ASTN2: variants seen among roughly 807,000 people sequenced by gnomAD.
The protein encoded by ASTN2 is astrotactin 2, also known as astrotactin-2.
ASTN2 carries 54 observed loss-of-function variants against 139.8 expected under a neutral mutation model. The ratio of observed to expected loss-of-function variants is 0.39; its 90% CI spans 0.31 to 0.48. The LOEUF (loss-of-function observed/expected upper bound fraction) is 0.48, where lower values mean the gene tolerates loss of function less well. ASTN2 is among the 20% of genes least tolerant of loss of function. The probability of loss-of-function intolerance (pLI) is 0.95; values close to 1 mark genes in which losing one functional copy is unlikely to be tolerated. For missense variants in ASTN2, 1,565 were observed against 1,725.1 expected (o/e 0.91, Z 1.64); for synonymous variants, 756 against 719.5 (o/e 1.05, Z -0.81).
intron 20 of ASTN2, among the ~76,000 whole-genome samples, chr9:116,455,914 C>A (rs1414293918): frequency 6.6e-6 from 1 of 151,732 alleles, no homozygotes; most frequent in Non-Finnish European, 1.5e-5. Flanking sequence ...TAGTATTATA[C>A]CAAATGGGGA....
In ASTN2 at chr9:117,113,173, C is replaced by T. The variant is rs113263609; in HGVS notation, c.1169-17022G>A. ...TCATGTATCCACTTTGGAAAAAAAC[C>T]CTATTTCTCAAAATGTTAATTCTAC... On this transcript the variant is annotated intron_variant, in intron 4 of 22. Coordinates refer to ENST00000313400, the MANE Select transcript of ASTN2 (RefSeq NM_001365068.1). 9.2e-3 allele frequency among the ~76,000 whole-genome samples: 1,403 copies of T among 152,256 alleles called. 25 individuals are homozygous for T. The highest frequency in any genetic ancestry group is 0.032 in the African/African-American group (1,319 of 41,538).
chr9:116,970,353 C>T (rs1432680147), intron 10 of ASTN2, among the ~76,000 whole-genome samples: 1 of 152,082 alleles, frequency 6.6e-6, no homozygotes, highest in Non-Finnish European at 1.5e-5. Context: ...GCTACTGGTC[C>T]AGGGAATACA....
At chr9:117,189,308 T>C (rs1205872433) in intron 3 of ASTN2, among the ~76,000 whole-genome samples, 1 of 152,140 alleles carries the variant, frequency 6.6e-6, no homozygotes, top group South Asian at 2.1e-4. Context: ...CAATCTCCTA[T>C]GATGAGTCAA....
At chr9:117,160,238 C>T (rs1830517461) in intron 3 of ASTN2, among the ~76,000 whole-genome samples, 1 of 151,978 alleles carries the variant, frequency 6.6e-6, no homozygotes, top group Admixed American at 6.6e-5. Context: ...CAAGTTTCTA[C>T]AACACCATGA....
chr9:116,632,923 G>A (rs1856879447), intron 17 of ASTN2, among the ~76,000 whole-genome samples: 1 of 152,142 alleles, frequency 6.6e-6, no homozygotes. Context: ...CTTGCACAAG[G>A]CATGACCCAA....
At chr9:116,507,775 C>A (rs906579486) in intron 19 of ASTN2, among the ~76,000 whole-genome samples, 2 of 152,190 alleles carry the variant, frequency 1.3e-5, no homozygotes, top group Non-Finnish European at 2.9e-5. Flanking sequence ...CTCAGGTCCC[C>A]ATTTCATGTT....
intron 4 of ASTN2, among the ~76,000 whole-genome samples, chr9:117,108,183 G>A (rs35147155): frequency 0.11 from 16,488 of 152,110 alleles, 1,106 homozygotes; most frequent in Non-Finnish European, 0.16. Context: ...GTACAGAGAC[G>A]GGGTTGGTTG....
chr9:116,795,089 G>T (rs1437247059), intron 13 of ASTN2, among the ~76,000 whole-genome samples: 1 of 152,102 alleles, frequency 6.6e-6, no homozygotes, highest in African/African-American at 2.4e-5. Flanking sequence ...TGATTCTCTG[G>T]CCTCAGCCTC....
At chr9:117,350,770 T>C (rs994667155) in intron 1 of ASTN2, among the ~76,000 whole-genome samples, 5 of 152,234 alleles carry the variant, frequency 3.3e-5, no homozygotes, top group Middle Eastern at 3.4e-3. Context: ...AGGCTAAGAA[T>C]GTTAGCAAGT....
At chr9:117,166,638 A>G (rs1830676473) in intron 3 of ASTN2, among the ~76,000 whole-genome samples, 1 of 152,034 alleles carries the variant, frequency 6.6e-6, no homozygotes, top group Admixed American at 6.6e-5. Flanking sequence ...TCCCCTAGCT[A>G]AGAGCTACAC....
intron 16 of ASTN2, among the ~76,000 whole-genome samples, chr9:116,675,412 A>G (rs1185381194): frequency 6.6e-6 from 1 of 152,000 alleles, no homozygotes; most frequent in Non-Finnish European, 1.5e-5. Flanking sequence ...GTCTGTTTAT[A>G]GCTCCACCAT....
chr9:116,446,255 G>GGAGAGAGAGAGA (rs373227100), intron 20 of ASTN2, among the ~76,000 whole-genome samples: 227 of 113,850 alleles, frequency 2.0e-3, no homozygotes, highest in East Asian at 3.5e-3. Flanking sequence ...GAGGGGAGAG[G>GGAGAGAGAGAGA]GAGAGAGAGA....
At chr9:116,916,948 G>C (rs1834466411) in intron 10 of ASTN2, among the ~76,000 whole-genome samples, 1 of 151,964 alleles carries the variant, frequency 6.6e-6, no homozygotes. Flanking sequence ...TTTAAGAAAT[G>C]TTATTGTTCC....
At chr9:116,493,604 T>C (rs1453066949) in intron 19 of ASTN2, among the ~76,000 whole-genome samples, 1 of 152,080 alleles carries the variant, frequency 6.6e-6, no homozygotes, top group African/African-American at 2.4e-5. Context: ...TATTCCTCAA[T>C]TCCCTCTCCC....
chr9:116,805,959 C>G, intron 12 of ASTN2, 139 bp from the exon 13 acceptor site: 1 of 795,158 alleles, frequency 1.3e-6, no homozygotes, highest in South Asian at 1.8e-5. Flanking sequence ...TGGAATCTAT[C>G]TAGGGCACAG....
In ASTN2 at chr9:116,473,260, A is replaced by G. The variant is rs546437604; in HGVS notation, c.3497+14099T>C. Among the ~76,000 whole-genome samples the G allele has an allele frequency of 3.9e-5, 6 of 152,326 alleles. No individual in the cohort carries two copies. In the South Asian group the frequency reaches 1.2e-3, roughly 32 times the overall value. ...TATTATCGATCTTTGATGTTTGCTA[A>G]ATTAAGTACCTACTAAGTGCCAGGC... On this transcript the variant is annotated intron_variant, in intron 20 of 22. Coordinates refer to ENST00000313400, the MANE Select transcript of ASTN2 (RefSeq NM_001365068.1).
At chr9:117,315,451 A>G (rs1828115391) in intron 1 of ASTN2, among the ~76,000 whole-genome samples, 1 of 152,184 alleles carries the variant, frequency 6.6e-6, no homozygotes, top group South Asian at 2.1e-4. Context: ...CTGGATCATG[A>G]TCAAGGTAAT....
At position 116,780,972 on chromosome 9, in the gene ASTN2, T is replaced by C. The variant is rs1013949578; in HGVS notation, c.2396+24660A>G. 1.9e-4 allele frequency among the ~76,000 whole-genome samples: 29 copies of C among 152,078 alleles called. 1 individual carries two copies. Among genetic ancestry groups the C allele is most frequent in the African/African-American group, 7.0e-4 (29 of 41,496 alleles). The stretch of plus-strand genomic sequence containing the variant: ...CTCCTGCCTCAGCCTCCCAAGTAGC[T>C]GGGATTACAGGCATGTGCCACCCCG... On this transcript the variant is annotated intron_variant, in intron 13 of 22. Transcript: ENST00000313400.
At chr9:116,444,671 G>T (rs769718419) in intron 20 of ASTN2, among the ~76,000 whole-genome samples, 2 of 152,108 alleles carry the variant, frequency 1.3e-5, no homozygotes, top group African/African-American at 4.8e-5. Context: ...AAGGAAGCAG[G>T]GGGTGACAGA....
Sources: gnomAD v4.1 joint callset for allele counts (sites outside exome capture counted in the v4.1 genomes callset) on GRCh38, gnomAD v4.1.1 for gene constraint, MANE v1.5 for transcripts, NCBI Gene and HGNC (gene_info 2026-07-23, HGNC 2026-07-21) for gene names.